The following PRH1 variants were observed in gnomAD, a reference collection of about 807,000 sequenced individuals.
PRH1 encodes proline rich protein HaeIII subfamily 1.
A neutral mutation model predicts 7.9 loss-of-function variants in PRH1; 7 were observed. The observed-to-expected ratio is 0.89, with a 90% confidence interval of 0.50 to 1.67. The LOEUF is 1.67. Among genes scored for constraint, PRH1 ranks in the 40% most tolerant of loss-of-function variants. PRH1 has a pLI of 0.00. For missense variants in PRH1, 109 were observed against 223.6 expected, an observed-to-expected ratio of 0.49 and a Z score of 3.27; for synonymous variants, 45 against 80.8, an observed-to-expected ratio of 0.56 and a Z score of 2.38.
intron 1 of PRH1, among the ~76,000 whole-genome samples, chr12:11,000,276 TTC>T (rs1467866515): frequency 1.3e-5 from 2 of 152,178 alleles, no homozygotes; most frequent in East Asian, 1.9e-4. Context: ...TATTTATCAT[TTC>T]TGTTAATTTT....
intron 1 of PRH1, chr12:10,997,697 CAG>C: frequency 1.2e-6 from 2 of 1,613,778 alleles, no homozygotes; most frequent in Non-Finnish European, 1.7e-6. Context: ...TAATATTACC[CAG>C]AGCAAACCAA....
chr12:11,065,407 T>C (rs1943764324), intron 1 of PRH1, among the ~76,000 whole-genome samples: 1 of 152,142 alleles, frequency 6.6e-6, no homozygotes, highest in African/African-American at 2.4e-5. Flanking sequence ...TTTTCTCTCT[T>C]CTAATCTTCT....
At chr12:11,156,907 G>A (rs1330868640) in intron 1 of PRH1, among the ~76,000 whole-genome samples, 3 of 148,352 alleles carry the variant, frequency 2.0e-5, no homozygotes, top group South Asian at 2.1e-4. Context: ...GTGCAGTGGC[G>A]CGATCTTGGC....
chr12:11,170,316 G>T (rs1250627643), intron 1 of PRH1, among the ~76,000 whole-genome samples: 2 of 152,190 alleles, frequency 1.3e-5, no homozygotes, highest in African/African-American at 4.8e-5. Flanking sequence ...GGAGGCTGAG[G>T]CGGGCAGATC....
chr12:10,931,242 G>A lies in PRH1; in HGVS notation c.-59+42413C>T, dbSNP rs1950208262. 7 of 1,434,798 alleles carry A rather than the reference G, an allele frequency of 4.9e-6. No homozygotes were observed. The East Asian group carries it at 9.5e-5, about 20-fold the overall frequency. 88.9% of individuals were successfully genotyped at this position (1,434,798 alleles called of 1,614,324 possible). The stretch of plus-strand genomic sequence containing the variant: ...TTCTGGGATAAGGTAGCAAGATCTT[G>A]TTTTTAAACAATCTCTTGAAGGCAA... On this transcript the variant is annotated intron_variant, in intron 2 of 3. Transcript: ENST00000539853.
chr12:11,168,263 AG>A lies in PRH1; in HGVS notation n.39+3158del, dbSNP rs1565725283. Among the ~76,000 whole-genome samples, 10 of 39,540 alleles carry A rather than the reference AG, an allele frequency of 2.5e-4. 2 individuals carry two copies. In the East Asian group the frequency reaches 2.7e-3, roughly 11 times the overall value. The allele number at this position is 39,540 out of a possible 152,430, so 25.9% of individuals were successfully genotyped here. ...AAGAAAGAAAGAAAGAAAGAAAGAAAGAAAGAAAGAAAGAAAGAAAGAAAGA... is the reference window on the plus strand; with the variant it reads ...AAGAAAGAAAGAAAGAAAGAAAGAAAAAAGAAAGAAAGAAAGAAAGAAAGA... On this transcript the variant is annotated intron_variant and non_coding_transcript_variant, in intron 1 of 1. Coordinates refer to the PRH1 transcript ENST00000541175.
chr12:10,915,134 A>AG (rs1245461248), intron 2 of PRH1, among the ~76,000 whole-genome samples: 1 of 152,210 alleles, frequency 6.6e-6, no homozygotes, highest in African/African-American at 2.4e-5. Context: ...TCTCAAAAAA[A>AG]CAAAAAACAA....
intron 1 of PRH1, among the ~76,000 whole-genome samples, chr12:11,107,913 A>G (rs749110290): frequency 1.3e-5 from 2 of 152,202 alleles, no homozygotes; most frequent in Non-Finnish European, 2.9e-5. Context: ...CAGCAAAAGA[A>G]AAGGAACAAA....
At chr12:10,900,067 G>A (rs953095841) in intron 2 of PRH1, among the ~76,000 whole-genome samples, 3 of 152,158 alleles carry the variant, frequency 2.0e-5, no homozygotes, top group African/African-American at 7.2e-5. Context: ...TTTCAAGAAG[G>A]AAAGTGGGAA....
upstream of PRH1, chr12:11,048,767 A>G (rs1267810938): frequency 3.2e-6 from 1 of 312,640 alleles, no homozygotes; most frequent in Non-Finnish European, 6.3e-6. Flanking sequence ...TTGATCATCC[A>G]AGACAAATTT....
chr12:11,150,177 C>A (rs990006140), intron 1 of PRH1, among the ~76,000 whole-genome samples: 1 of 151,550 alleles, frequency 6.6e-6, no homozygotes, highest in African/African-American at 2.4e-5. Flanking sequence ...ACAACAGGTG[C>A]TGGAGAGGAT....
intron 1 of PRH1, among the ~76,000 whole-genome samples, chr12:10,993,364 T>C (rs1317486334): frequency 1.3e-5 from 2 of 152,182 alleles, no homozygotes; most frequent in Non-Finnish European, 2.9e-5. Context: ...TAACTCAATA[T>C]ATTAATAATA....
At chr12:11,027,458 G>A (rs184895562) in intron 1 of PRH1, among the ~76,000 whole-genome samples, 3 of 152,042 alleles carry the variant, frequency 2.0e-5, no homozygotes, top group Non-Finnish European at 2.9e-5. Flanking sequence ...TAGACCACAC[G>A]TTGAAACAAT....
intron 1 of PRH1, among the ~76,000 whole-genome samples, chr12:10,987,239 C>T (rs572845713): frequency 5.9e-5 from 9 of 152,056 alleles, no homozygotes; most frequent in East Asian, 3.9e-4. Flanking sequence ...TTAACCGATA[C>T]GTAATTTGTG....
chr12:10,882,094 AT>A (rs1228207352), intron 3 of PRH1, 122 bp downstream of exon 3: 10 of 1,522,720 alleles, frequency 6.6e-6, no homozygotes, highest in Middle Eastern at 2.5e-4. Context: ...CTGAATAACA[AT>A]TTTTAGAAAT....
At chr12:10,999,488 C>A (rs546457706) in intron 1 of PRH1, among the ~76,000 whole-genome samples, 2 of 152,062 alleles carry the variant, frequency 1.3e-5, no homozygotes, top group African/African-American at 2.4e-5. Context: ...ATAATTTTTA[C>A]GTGACATTTC....
chr12:11,011,112 C>A, intron 1 of PRH1, among the ~76,000 whole-genome samples: 1 of 151,924 alleles, frequency 6.6e-6, no homozygotes, highest in African/African-American at 2.4e-5. Context: ...ACGTAGGTGT[C>A]CACAGGAAAA....
chr12:11,031,231 C>A (rs778006326), intron 1 of PRH1: 2 of 1,614,014 alleles, frequency 1.2e-6, no homozygotes, highest in Non-Finnish European at 8.5e-7. Context: ...GTCTCTTGAC[C>A]CGCTCAATGG....
In PRH1 at chr12:11,061,128, CAA is replaced by C. The variant is rs72225223; in HGVS notation, n.124-13942_124-13941del. ...TAATTTGGCAGTTTGTGTGAAAAAA[CAA>C]AAAAGAGTATGTCACTGTCAATGTT... On this transcript the variant is annotated intron_variant and non_coding_transcript_variant, in intron 1 of 4. Transcript: ENST00000541977. 8.3e-3 allele frequency among the ~76,000 whole-genome samples: 1,265 copies of C among 151,930 alleles called. 14 individuals are homozygous for C. The highest frequency in any genetic ancestry group is 0.029 in the African/African-American group (1,211 of 41,448).
Sources: gnomAD v4.1 joint callset for allele counts (sites outside exome capture counted in the v4.1 genomes callset) on GRCh38, gnomAD v4.1.1 for gene constraint, MANE v1.5 for transcripts, NCBI Gene and HGNC (gene_info 2026-07-23, HGNC 2026-07-21) for gene names.